Variants in ZNF516 observed in about 807,000 individuals in gnomAD.
ZNF516 encodes zinc finger protein 516.
In ZNF516, 19 loss-of-function variants were observed where a neutral mutation model predicts 79.7. The observed-to-expected ratio is 0.24, with a 90% confidence interval of 0.17 to 0.35. ZNF516 has a LOEUF of 0.35. ZNF516 is among the 10% of genes least tolerant of loss of function. The pLI, the probability that ZNF516 is intolerant of heterozygous loss-of-function variation, is 1.00. For synonymous variants in ZNF516, 877 were observed against 739.5 expected (o/e 1.19, Z -3.02); for missense variants, 1,678 against 1,679.5 (o/e 1.00, Z 0.02).
chr18:76,372,565 T>G (rs1396608270), intron 4 of ZNF516, among the ~76,000 whole-genome samples: 1 of 152,244 alleles, frequency 6.6e-6, no homozygotes, highest in African/African-American at 2.4e-5. Context: ...ATGAAGAGAA[T>G]GACAAAAGGC....
intron 3 of ZNF516, among the ~76,000 whole-genome samples, chr18:76,435,012 C>T (rs1014526668): frequency 6.6e-6 from 1 of 152,250 alleles, no homozygotes; most frequent in African/African-American, 2.4e-5. Flanking sequence ...ACACACCATT[C>T]GGCATGGGGC....
chr18:76,491,602 GCTTCTCCGCCC>G, intron 1 of ZNF516: 1 of 264,940 alleles, frequency 3.8e-6, no homozygotes, highest in Non-Finnish European at 5.6e-6. Context: ...CCCTCCCCGT[GCTTCTCCGCCC>G]CTTCCCGCCC....
In ZNF516 at chr18:76,442,341, G is replaced by C; in HGVS notation, c.714C>G (p.Asn238Lys). 1 of 1,610,550 alleles carries C rather than the reference G, an allele frequency of 6.2e-7. No individual in the cohort carries two copies. Among genetic ancestry groups the C allele is most frequent in the East Asian group, 2.2e-5 (1 of 44,794 alleles). ...GPGSGEACVE[N>K]GKPELSPGEF... is the part of the protein sequence containing the mutation. ...CCCCGGGGCTCAGCTCGGGCTTGCC[G>C]TTCTCCACGCAGGCCTCGCCGCTGC... is the stretch of plus-strand genomic sequence containing the variant. Residue 238 changes from asparagine (N) to lysine (K), a missense_variant, in exon 3 of 7, where the codon AAC becomes AAG. Coordinates refer to ENST00000443185, the MANE Select transcript of ZNF516 (RefSeq NM_014643.4).
chr18:76,402,768 G>A (rs190197647), intron 3 of ZNF516, among the ~76,000 whole-genome samples: 4 of 152,244 alleles, frequency 2.6e-5, no homozygotes, highest in Non-Finnish European at 5.9e-5. Context: ...CCATCGGGCC[G>A]CTGCGCTTCT....
chr18:76,442,988 C>A lies in ZNF516; in HGVS notation c.67G>T (p.Gly23Cys). The A allele has an allele frequency of 6.2e-7, 1 of 1,603,950 alleles. No individual in the cohort carries two copies. The highest frequency in any genetic ancestry group is 2.2e-5 in the East Asian group (1 of 44,858). ...RGPSPTRAGR[G>C]HEVDGDKATC... ...GCCTTGTCCCCATCCACCTCGTGGC[C>A]CCGGCCGGCCCTGGTGGGGCTGGGG... Residue 23 changes from glycine to cysteine, a missense_variant, in exon 3 of 7, where the codon GGC becomes TGC. Gly to Cys is a radical substitution (Grantham distance 159, BLOSUM62 -3). This residue lies in a region of ZNF516 where 62 missense variants were observed against 58.9 expected (regional missense o/e 1.05). Coordinates refer to ENST00000443185, the MANE Select transcript of ZNF516 (RefSeq NM_014643.4).
rs765406110 is a variant in ZNF516, at chr18:76,442,435, T to A, written c.620A>T (p.Tyr207Phe). The change falls in exon 3 of 7, where the codon TAC (tyrosine) becomes TTC (phenylalanine). Residue 207 changes from tyrosine (Y) to phenylalanine (F), a missense_variant. Coordinates refer to ENST00000443185, the MANE Select transcript of ZNF516 (RefSeq NM_014643.4). ...HKPFKCRLCS[Y>F]ATLREESLLS... ...CAGCGACTCCTCCCGCAGCGTCGCG[T>A]AGCTGCACAGCCTGCACTTGAACGG... is the stretch of plus-strand genomic sequence containing the variant. The A allele has an allele frequency of 9.3e-6, 15 of 1,606,814 alleles. No individual in the cohort carries two copies. The Middle Eastern group carries it at 5.0e-4, about 53-fold the overall frequency.
chr18:76,412,792 T>A (rs1452521909), intron 3 of ZNF516, among the ~76,000 whole-genome samples: 1 of 152,212 alleles, frequency 6.6e-6, no homozygotes, highest in Non-Finnish European at 1.5e-5. Context: ...AGGGATTCCA[T>A]GGTCCCACTG....
At chr18:76,491,181 C>T (rs1176427969) in intron 1 of ZNF516, 3 of 881,354 alleles carry the variant, frequency 3.4e-6, no homozygotes, top group Non-Finnish European at 4.1e-6. Context: ...CGCCTCGGCC[C>T]CCGGAGCCCG....
chr18:76,468,494 G>A (rs1386334170), intron 1 of ZNF516, among the ~76,000 whole-genome samples: 1 of 146,434 alleles, frequency 6.8e-6, no homozygotes, highest in Non-Finnish European at 1.5e-5. Flanking sequence ...TTGGCTCACT[G>A]CAACCTCGGC....
intron 6 of ZNF516, among the ~76,000 whole-genome samples, chr18:76,368,323 T>C (rs998307584): frequency 3.3e-5 from 5 of 152,156 alleles, no homozygotes; most frequent in African/African-American, 1.2e-4. Flanking sequence ...TGGAATTTCC[T>C]TAGAGAACTC....
chr18:76,495,814 G>A (rs1213841892), upstream of ZNF516: 4 of 1,033,086 alleles, frequency 3.9e-6, no homozygotes, highest in South Asian at 7.8e-5. Context: ...ACGGCGTAGC[G>A]TGTGCGTGTC....
At chr18:76,408,548 C>T (rs757175350) in intron 3 of ZNF516, among the ~76,000 whole-genome samples, 5 of 152,114 alleles carry the variant, frequency 3.3e-5, no homozygotes, top group African/African-American at 7.2e-5. Context: ...CGTCTAAAGG[C>T]GGAAGGTGTC....
At chr18:76,366,695 A>G (rs2074617401) in intron 6 of ZNF516, among the ~76,000 whole-genome samples, 1 of 152,228 alleles carries the variant, frequency 6.6e-6, no homozygotes, top group Non-Finnish European at 1.5e-5. Flanking sequence ...CAAGTATGTG[A>G]GTTTCCTCCA....
intron 3 of ZNF516, among the ~76,000 whole-genome samples, chr18:76,403,483 A>G (rs1403850197): frequency 6.6e-6 from 1 of 152,198 alleles, no homozygotes; most frequent in East Asian, 1.9e-4. Context: ...ACGCATTCGC[A>G]CAACTCACAA....
intron 3 of ZNF516, among the ~76,000 whole-genome samples, chr18:76,417,003 T>G (rs1055087708): frequency 1.3e-5 from 2 of 152,016 alleles, no homozygotes; most frequent in South Asian, 4.1e-4. Flanking sequence ...CCTCCATAAA[T>G]AACTTGGAGA....
Sources: gnomAD v4.1 joint callset for allele counts (sites outside exome capture counted in the v4.1 genomes callset) on GRCh38, gnomAD v4.1.1 for gene constraint, gnomAD v4.1.1 regional missense constraint, MANE v1.5 for transcripts, NCBI Gene and HGNC (gene_info 2026-07-23, HGNC 2026-07-21) for gene names.